The following HPSE2 variants were observed in gnomAD, a reference collection of about 807,000 sequenced individuals.
HPSE2 encodes heparanase 2 (inactive), also known as inactive heparanase-2.
In HPSE2, 38 loss-of-function variants were observed where a neutral mutation model predicts 60.5. The ratio of observed to expected loss-of-function variants is 0.63; its 90% CI spans 0.48 to 0.82. HPSE2 has a LOEUF of 0.82. Ranked by LOEUF, HPSE2 falls within the 40% of genes least tolerant of loss-of-function variation. HPSE2 has a pLI of 0.00. For synonymous variants in HPSE2, 295 were observed against 293.2 expected, an observed-to-expected ratio of 1.01 and a Z score of -0.06; for missense variants, 713 against 740.4, an observed-to-expected ratio of 0.96 and a Z score of 0.43.
intron 3 of HPSE2, among the ~76,000 whole-genome samples, chr10:98,902,575 C>A (rs113219717): frequency 6.6e-6 from 1 of 152,026 alleles, no homozygotes; most frequent in East Asian, 1.9e-4. Flanking sequence ...ATCAGTTTTC[C>A]TCTGTAAAAT....
intron 3 of HPSE2, among the ~76,000 whole-genome samples, chr10:98,799,351 C>G (rs1339928295): frequency 6.6e-6 from 1 of 152,136 alleles, no homozygotes; most frequent in Admixed American, 6.6e-5. Context: ...GAGACTTCAA[C>G]ACCCCACTTT....
chr10:99,155,421 AT>A (rs1386923131), intron 2 of HPSE2, among the ~76,000 whole-genome samples: 80 of 149,406 alleles, frequency 5.4e-4, no homozygotes, highest in Non-Finnish European at 9.0e-4. Context: ...CCACAGTGCA[AT>A]CAAACTAGAA....
At chr10:98,551,475 T>C (rs1475771910) in intron 9 of HPSE2, among the ~76,000 whole-genome samples, 1 of 152,200 alleles carries the variant, frequency 6.6e-6, no homozygotes, top group Non-Finnish European at 1.5e-5. Flanking sequence ...CTGTTGAGAC[T>C]GTCAATAAAG....
chr10:98,981,836 C>G (rs1956213658), intron 3 of HPSE2, among the ~76,000 whole-genome samples: 1 of 151,968 alleles, frequency 6.6e-6, no homozygotes, highest in South Asian at 2.1e-4. Flanking sequence ...TACCTTTACA[C>G]TTATATATTC....
the HPSE2 span, among the ~76,000 whole-genome samples, chr10:99,270,430 T>C: frequency 2.0e-5 from 3 of 151,916 alleles, no homozygotes; most frequent in African/African-American, 7.3e-5. Flanking sequence ...TCCTCCTAGG[T>C]TAAACTAGGA....
At chr10:99,238,384 A>G (rs1228326429), upstream of HPSE2, among the ~76,000 whole-genome samples, 1 of 152,212 alleles carries the variant, frequency 6.6e-6, no homozygotes, top group East Asian at 1.9e-4. Context: ...TAACTACTCT[A>G]TAATGGTTTA....
At chr10:98,573,714 T>C (rs1382997797) in intron 9 of HPSE2, among the ~76,000 whole-genome samples, 1 of 152,176 alleles carries the variant, frequency 6.6e-6, no homozygotes, top group African/African-American at 2.4e-5. Flanking sequence ...AGTCTTTATC[T>C]GCAAAGGAAA....
intron 9 of HPSE2, among the ~76,000 whole-genome samples, chr10:98,599,953 A>C (rs1446155382): frequency 1.3e-5 from 2 of 152,206 alleles, no homozygotes; most frequent in Non-Finnish European, 2.9e-5. Flanking sequence ...TAGTGGTTAA[A>C]GTGATCATTA....
At chr10:99,116,686 T>C (rs1442295619) in intron 3 of HPSE2, among the ~76,000 whole-genome samples, 1 of 152,044 alleles carries the variant, frequency 6.6e-6, no homozygotes, top group Non-Finnish European at 1.5e-5. Flanking sequence ...GATGAAAAAG[T>C]GCCCTGTGAG....
intron 3 of HPSE2, among the ~76,000 whole-genome samples, chr10:99,123,884 T>C (rs1216836088): frequency 6.6e-6 from 1 of 151,240 alleles, no homozygotes. Flanking sequence ...GTCCTGACAA[T>C]TGTGCAGCTC....
chr10:99,305,953 T>TCGCGCACA, the HPSE2 span, among the ~76,000 whole-genome samples: 6 of 24,846 alleles, frequency 2.4e-4, no homozygotes, highest in African/African-American at 7.1e-4. Context: ...ATATCCAAAC[T>TCGCGCACA]CACACACACG....
chr10:99,250,127 A>G, the HPSE2 span, among the ~76,000 whole-genome samples: 2 of 136,178 alleles, frequency 1.5e-5, no homozygotes, highest in Non-Finnish European at 3.1e-5. Flanking sequence ...TGGGCAAAAG[A>G]GCAAAACTCC....
At chr10:98,948,962 T>C (rs1004772035) in intron 3 of HPSE2, among the ~76,000 whole-genome samples, 4 of 152,188 alleles carry the variant, frequency 2.6e-5, no homozygotes, top group Non-Finnish European at 5.9e-5. Context: ...GTTTATGTTA[T>C]CAATAAGGCT....
intron 3 of HPSE2, among the ~76,000 whole-genome samples, chr10:99,135,945 C>T (rs1319828250): frequency 6.6e-6 from 1 of 151,946 alleles, no homozygotes; most frequent in Non-Finnish European, 1.5e-5. Flanking sequence ...ATCAATGAAT[C>T]CAGGAGCTGT....
At chr10:99,314,485 T>C in the HPSE2 span, among the ~76,000 whole-genome samples, 1 of 152,196 alleles carries the variant, frequency 6.6e-6, no homozygotes, top group Non-Finnish European at 1.5e-5. Context: ...AATTAAGGTA[T>C]GTCCACTGTT....
intron 3 of HPSE2, among the ~76,000 whole-genome samples, chr10:98,990,556 G>A (rs903796799): frequency 1.3e-5 from 2 of 152,218 alleles, no homozygotes; most frequent in Admixed American, 6.5e-5. Context: ...CCATGGACTG[G>A]TCCTGGTCTG....
chr10:98,548,490 A>C (rs1943761708), intron 9 of HPSE2, among the ~76,000 whole-genome samples: 1 of 152,054 alleles, frequency 6.6e-6, no homozygotes, highest in Non-Finnish European at 1.5e-5. Flanking sequence ...AGTGGTGTGC[A>C]CTTGTAATCC....
At position 98,699,183 on chromosome 10, in the gene HPSE2, A is replaced by G. The variant is rs1036106595; in HGVS notation, c.957-5236T>C. Among the ~76,000 whole-genome samples the G allele has an allele frequency of 1.2e-4, 19 of 152,218 alleles. No individual in the cohort carries two copies. The East Asian group carries it at 1.5e-3, about 12-fold the overall frequency. On this transcript the variant is annotated intron_variant, in intron 5 of 11. Coordinates refer to ENST00000370552, the MANE Select transcript of HPSE2 (RefSeq NM_021828.5). ...TGATACCAAAGCCTGGCAGAGACACAACAAAAAAAGAGAATTTTAGACCAA... is the reference window on the plus strand; with the variant it reads ...TGATACCAAAGCCTGGCAGAGACACGACAAAAAAAGAGAATTTTAGACCAA...
the HPSE2 span, among the ~76,000 whole-genome samples, chr10:99,283,492 C>A: frequency 3.6e-5 from 5 of 137,272 alleles, no homozygotes; most frequent in South Asian, 1.0e-3. Context: ...CACAGCAAGA[C>A]CCTCACAAAA....
Sources: allele counts gnomAD v4.1 joint callset (sites outside exome capture counted in the v4.1 genomes callset), GRCh38; gene constraint gnomAD v4.1.1; transcripts MANE v1.5; gene names NCBI Gene and HGNC (gene_info 2026-07-23, HGNC 2026-07-21).